Variants in SHROOM2 observed in about 807,000 individuals in gnomAD.
SHROOM2 encodes the protein protein Shroom2.
A neutral mutation model predicts 75.9 loss-of-function variants in SHROOM2; 33 were observed. The ratio of observed to expected loss-of-function variants is 0.43; its 90% CI spans 0.33 to 0.58. SHROOM2 has a LOEUF of 0.58. SHROOM2 is among the 20% of genes least tolerant of loss of function. SHROOM2 has a pLI of 0.04. For missense variants in SHROOM2, 1,434 were observed against 1,461.2 expected, an observed-to-expected ratio of 0.98 and a Z score of 0.30; for synonymous variants, 655 against 663.6, an observed-to-expected ratio of 0.99 and a Z score of 0.20.
At chrX:9,890,239 C>T (rs1313715759) in intron 2 of SHROOM2, among the ~76,000 whole-genome samples, 2 of 111,784 alleles carry the variant, frequency 1.8e-5, no homozygotes, top group East Asian at 2.8e-4. Context: ...TGGTGGTGAG[C>T]GCCTGTAATC....
intron 1 of SHROOM2, among the ~76,000 whole-genome samples, chrX:9,826,764 C>T (rs2083889504): frequency 8.9e-6 from 1 of 111,811 alleles, no homozygotes; most frequent in Non-Finnish European, 1.9e-5. Flanking sequence ...CGACAGAGAG[C>T]TACCCTGTCT....
chrX:9,801,195 A>C (rs1336577887), intron 1 of SHROOM2, among the ~76,000 whole-genome samples: 1 of 111,724 alleles, frequency 9.0e-6, no homozygotes, highest in Non-Finnish European at 1.9e-5. Flanking sequence ...AAACCATCAG[A>C]TCTCATGAGA....
chrX:9,947,961 A>G lies in SHROOM2; in HGVS notation c.*1024A>G, dbSNP rs1037208165. Reference sequence around the variant, plus strand: ...GATCTTTTTCTGCCATGAAGTTTAAAGATTCTATGCCCATTTCCTTGATTG... The same window carrying G: ...GATCTTTTTCTGCCATGAAGTTTAAGGATTCTATGCCCATTTCCTTGATTG... On this transcript the variant is annotated 3_prime_UTR_variant, in exon 10 of 10. Transcript: ENST00000380913. 3 of 112,521 alleles carry G rather than the reference A, an allele frequency of 2.7e-5. No homozygotes were observed. The highest frequency in any genetic ancestry group is 3.7e-5 in the Non-Finnish European group (2 of 53,354). The allele number at this position is 112,521 out of a possible 1,213,427, so 9.3% of individuals were successfully genotyped here.
intron 1 of SHROOM2, among the ~76,000 whole-genome samples, chrX:9,847,416 A>G (rs1450455852): frequency 3.6e-5 from 4 of 112,483 alleles, no homozygotes; most frequent in Non-Finnish European, 7.5e-5. Flanking sequence ...TGGTTGTCAC[A>G]ATAGCTGTGC....
At chrX:9,834,646 A>T (rs1190006780) in intron 1 of SHROOM2, among the ~76,000 whole-genome samples, 18 of 19,995 alleles carry the variant, frequency 9.0e-4, no homozygotes, top group African/African-American at 2.1e-3. Flanking sequence ...TTATTTATTT[A>T]TTTATTTTCT....
At chrX:9,921,416 G>A (rs771438184) in intron 5 of SHROOM2, among the ~76,000 whole-genome samples, 7 of 110,924 alleles carry the variant, frequency 6.3e-5, no homozygotes, top group South Asian at 7.7e-4. Context: ...TGCCTTAAAC[G>A]GATCCATCAC....
chrX:9,856,024 C>CTT (rs35234850), intron 1 of SHROOM2, among the ~76,000 whole-genome samples: 2,376 of 84,241 alleles, frequency 0.028, 38 homozygotes, highest in African/African-American at 0.045. Context: ...AGAATGTTTC[C>CTT]TTTTTTTTTT....
At chrX:9,856,421 C>T (rs772502427) in intron 1 of SHROOM2, among the ~76,000 whole-genome samples, 2 of 111,530 alleles carry the variant, frequency 1.8e-5, no homozygotes, top group African/African-American at 6.5e-5. Flanking sequence ...TAGATTATAC[C>T]CCTCAATCTA....
intron 5 of SHROOM2, among the ~76,000 whole-genome samples, chrX:9,915,443 C>CT (rs1194763361): frequency 8.9e-6 from 1 of 112,072 alleles, no homozygotes; most frequent in Non-Finnish European, 1.9e-5. Flanking sequence ...GTCAACAGGG[C>CT]TTTGTTGATG....
At chrX:9,917,504 T>C (rs905502136) in intron 5 of SHROOM2, among the ~76,000 whole-genome samples, 5 of 108,166 alleles carry the variant, frequency 4.6e-5, no homozygotes, top group Non-Finnish European at 9.6e-5. Context: ...TGTGGTTCTT[T>C]GTTGTTGTTG....
At chrX:9,920,080 G>A (rs1310529674) in intron 5 of SHROOM2, among the ~76,000 whole-genome samples, 8 of 56,782 alleles carry the variant, frequency 1.4e-4, no homozygotes, top group Admixed American at 5.1e-4. Flanking sequence ...ACTTCACTAC[G>A]GTTCATCAGA....
At chrX:9,899,803 G>A (rs1344993454) in intron 5 of SHROOM2, among the ~76,000 whole-genome samples, 2 of 112,380 alleles carry the variant, frequency 1.8e-5, no homozygotes, top group East Asian at 2.8e-4. Context: ...GTCACGTGCC[G>A]AGCACCAGCT....
At chrX:9,808,277 C>G (rs2083767699) in intron 1 of SHROOM2, among the ~76,000 whole-genome samples, 1 of 108,764 alleles carries the variant, frequency 9.2e-6, no homozygotes, top group Non-Finnish European at 1.9e-5. Flanking sequence ...AAAATGGAGA[C>G]TGTGCGCTGT....
chrX:9,933,755 G>A (rs2084673526), intron 6 of SHROOM2, among the ~76,000 whole-genome samples: 1 of 112,178 alleles, frequency 8.9e-6, no homozygotes, highest in Non-Finnish European at 1.9e-5. Context: ...CAGCCTGGGT[G>A]ACAGAGTGAG....
intron 5 of SHROOM2, among the ~76,000 whole-genome samples, chrX:9,925,258 C>T (rs1165588696): frequency 8.9e-6 from 1 of 111,973 alleles, no homozygotes; most frequent in Non-Finnish European, 1.9e-5. Context: ...GAGACTTGTG[C>T]TCAAAATGAC....
chrX:9,796,530 C>T (rs772093687), intron 1 of SHROOM2, among the ~76,000 whole-genome samples: 2 of 112,174 alleles, frequency 1.8e-5, no homozygotes, highest in African/African-American at 6.5e-5. Context: ...GTGATTCTTT[C>T]CTCTCCTCTA....
chrX:9,900,434 A>G (rs780415467), intron 5 of SHROOM2, among the ~76,000 whole-genome samples: 3 of 112,604 alleles, frequency 2.7e-5, no homozygotes, highest in South Asian at 3.6e-4. Flanking sequence ...AGTGTTTTGC[A>G]TAAGTTTCAA....
chrX:9,850,609 C>T (rs1306571841), intron 1 of SHROOM2, among the ~76,000 whole-genome samples: 1 of 111,090 alleles, frequency 9.0e-6, no homozygotes, highest in Non-Finnish European at 1.9e-5. Context: ...GAGGCCAAGG[C>T]GAGTGGATCT....
intron 5 of SHROOM2, among the ~76,000 whole-genome samples, chrX:9,929,692 A>C (rs1479809315): frequency 8.9e-6 from 1 of 111,888 alleles, no homozygotes; most frequent in Non-Finnish European, 1.9e-5. Flanking sequence ...CTTGGATTTT[A>C]GCAATAAATT....
Sources: allele counts gnomAD v4.1 joint callset (sites outside exome capture counted in the v4.1 genomes callset), GRCh38; gene constraint gnomAD v4.1.1; transcripts MANE v1.5; gene names NCBI Gene and HGNC (gene_info 2026-07-23, HGNC 2026-07-21).